SIK3: variants seen among roughly 807,000 people sequenced by gnomAD.
SIK3 encodes SIK family kinase 3.
In SIK3, 28 loss-of-function variants were observed where a neutral mutation model predicts 144.2. The observed-to-expected ratio is 0.19, with a 90% CI of 0.14 to 0.27. The LOEUF (loss-of-function observed/expected upper bound fraction) is 0.27, where lower values mean the gene tolerates loss of function less well. SIK3 is among the 10% of genes least tolerant of loss of function. SIK3 has a pLI of 1.00. For missense variants in SIK3, 1,319 were observed against 1,776.0 expected, an observed-to-expected ratio of 0.74 and a Z score of 4.62; for synonymous variants, 686 against 676.3, an observed-to-expected ratio of 1.01 and a Z score of -0.22.
intron 21 of SIK3, among the ~76,000 whole-genome samples, chr11:116,855,946 C>G (rs539861549): frequency 1.9e-4 from 29 of 152,164 alleles, no homozygotes; most frequent in Admixed American, 1.9e-3. Flanking sequence ...GCCTGTAATC[C>G]CAGCACTTTG....
At chr11:117,019,624 T>C (rs1403174216) in intron 1 of SIK3, among the ~76,000 whole-genome samples, 2 of 151,938 alleles carry the variant, frequency 1.3e-5, no homozygotes, top group Non-Finnish European at 2.9e-5. Context: ...ACCCCTTCTT[T>C]TTTTTTTTTG....
intron 1 of SIK3, among the ~76,000 whole-genome samples, chr11:116,984,989 T>C (rs914409399): frequency 1.3e-5 from 2 of 152,224 alleles, no homozygotes; most frequent in Non-Finnish European, 2.9e-5. Context: ...ACTTCAAAAA[T>C]GTCTTTTGGA....
At chr11:117,021,956 A>AAAAAAAAAAAAAAC (rs1565565773) in intron 1 of SIK3, among the ~76,000 whole-genome samples, 2 of 144,790 alleles carry the variant, frequency 1.4e-5, no homozygotes, top group African/African-American at 5.4e-5. Flanking sequence ...AAAAAAAAAA[A>AAAAAAAAAAAAAAC]AAAAACCTAA....
At chr11:116,997,440 G>A (rs903329555) in intron 1 of SIK3, among the ~76,000 whole-genome samples, 2 of 152,138 alleles carry the variant, frequency 1.3e-5, no homozygotes, top group Non-Finnish European at 2.9e-5. Context: ...TCTATGTACC[G>A]TATTCTATAT....
rs1565348742 is a variant in SIK3 at position 116,846,386 on chromosome 11, C to T, written c.*10G>A. ...CTCTGGCCAGGGTGACACTCACTCTCTGTTTCTTGTTACACGCCTGCCTGC... is the reference window on the plus strand; with the variant it reads ...CTCTGGCCAGGGTGACACTCACTCTTTGTTTCTTGTTACACGCCTGCCTGC... On this transcript the variant is annotated 3_prime_UTR_variant, in exon 24 of 25. Transcript: ENST00000445177. The surrounding 1 kb of genome is among the most constrained non-coding windows in gnomAD (Gnocchi z 4.1). 2 of 1,613,714 alleles carry T rather than the reference C, an allele frequency of 1.2e-6. No homozygotes were observed. Among genetic ancestry groups the T allele is most frequent in the Admixed American group, 3.3e-5 (2 of 60,022 alleles).
At chr11:116,872,520 C>T (rs1040532002) in intron 13 of SIK3, among the ~76,000 whole-genome samples, 1 of 152,114 alleles carries the variant, frequency 6.6e-6, no homozygotes, top group African/African-American at 2.4e-5. Context: ...GAAAGTGTGG[C>T]CCATGGACCC....
chr11:116,913,162 G>A (rs1946434833), intron 4 of SIK3, among the ~76,000 whole-genome samples: 1 of 151,972 alleles, frequency 6.6e-6, no homozygotes, highest in South Asian at 2.1e-4. Flanking sequence ...ACAGATATTG[G>A]GAAGTCCTCA....
intron 1 of SIK3, among the ~76,000 whole-genome samples, chr11:117,038,460 G>A (rs929985423): frequency 6.0e-5 from 9 of 150,838 alleles, no homozygotes; most frequent in African/African-American, 1.7e-4. Context: ...AGGTTCAAGC[G>A]ATTCTCCTGC....
At chr11:116,871,578 A>C (rs1943973011) in intron 13 of SIK3, among the ~76,000 whole-genome samples, 1 of 152,220 alleles carries the variant, frequency 6.6e-6, no homozygotes, top group African/African-American at 2.4e-5. Context: ...CAGTGTGAAA[A>C]GGGCTGGTGG....
intron 1 of SIK3, among the ~76,000 whole-genome samples, chr11:117,029,973 G>A (rs1952184927): frequency 6.6e-6 from 1 of 151,686 alleles, no homozygotes; most frequent in Non-Finnish European, 1.5e-5. Context: ...ATAGAGAGAA[G>A]AGGGAGAGCA....
At chr11:116,964,757 T>G (rs767870836) in intron 1 of SIK3, among the ~76,000 whole-genome samples, 1 of 152,050 alleles carries the variant, frequency 6.6e-6, no homozygotes, top group Non-Finnish European at 1.5e-5. Flanking sequence ...GGTGGGCACC[T>G]GTAATCCCAG....
At chr11:116,930,969 G>A (rs945557765) in intron 3 of SIK3, among the ~76,000 whole-genome samples, 1 of 151,894 alleles carries the variant, frequency 6.6e-6, no homozygotes, top group African/African-American at 2.4e-5. Context: ...GTGACTCTCG[G>A]TTAAAAGGAA....
intron 1 of SIK3, among the ~76,000 whole-genome samples, chr11:117,077,472 T>C (rs1954602279): frequency 1.3e-5 from 2 of 152,192 alleles, no homozygotes; most frequent in African/African-American, 4.8e-5. Flanking sequence ...CATGAAAGCA[T>C]ACAGAAATTT....
chr11:117,018,891 T>C (rs1291491718), intron 1 of SIK3, among the ~76,000 whole-genome samples: 1 of 151,898 alleles, frequency 6.6e-6, no homozygotes, highest in Non-Finnish European at 1.5e-5. Flanking sequence ...TTTGTATTTT[T>C]AGTAGAGAAG....
chr11:116,954,524 G>C (rs2289892), intron 2 of SIK3, among the ~76,000 whole-genome samples: 1 of 151,066 alleles, frequency 6.6e-6, no homozygotes, highest in African/African-American at 2.4e-5. Flanking sequence ...GAAAATAATG[G>C]GAGTCACATA....
At chr11:117,075,212 C>T (rs1954459764) in intron 1 of SIK3, among the ~76,000 whole-genome samples, 1 of 152,182 alleles carries the variant, frequency 6.6e-6, no homozygotes, top group Non-Finnish European at 1.5e-5. Flanking sequence ...TATGTGTGAA[C>T]AGGATACTTT....
At chr11:117,008,870 C>A (rs918846732) in intron 1 of SIK3, among the ~76,000 whole-genome samples, 1 of 152,056 alleles carries the variant, frequency 6.6e-6, no homozygotes, top group South Asian at 2.1e-4. Context: ...CAGAAACTAA[C>A]CCAGAAATAA....
At chr11:117,090,146 T>G (rs1293701424) in intron 1 of SIK3, among the ~76,000 whole-genome samples, 2 of 152,222 alleles carry the variant, frequency 1.3e-5, no homozygotes, top group Non-Finnish European at 2.9e-5. Flanking sequence ...TTTATTAGAT[T>G]AGGATAAAAG....
At position 116,874,129 on chromosome 11, in the gene SIK3, T is replaced by C. The variant is rs1394967564; in HGVS notation, c.1428-73A>G. 6.3e-6 allele frequency: 9 copies of C among 1,429,418 alleles called. No homozygotes were observed. The African/African-American group carries it at 7.1e-5, about 11-fold the overall frequency. The allele number at this position is 1,429,418 out of a possible 1,614,324, so 88.5% of individuals were successfully genotyped here. ...AAAAGTGCTTATATCCCAAAACTGA[T>C]GGCATTGCTATGTTCAGTACAACTT... On this transcript the variant is annotated intron_variant, in intron 11 of 24. Transcript: ENST00000445177.
Sources: gnomAD v4.1 joint callset for allele counts (sites outside exome capture counted in the v4.1 genomes callset) on GRCh38, gnomAD v4.1.1 for gene constraint, Gnocchi (gnomAD v3.1) non-coding constraint, MANE v1.5 for transcripts, NCBI Gene and HGNC (gene_info 2026-07-23, HGNC 2026-07-21) for gene names.